The following NMNAT2 variants were observed in gnomAD, a reference collection of about 807,000 sequenced individuals.
NMNAT2 encodes the protein nicotinamide/nicotinic acid mononucleotide adenylyltransferase 2.
A neutral mutation model predicts 41.6 loss-of-function variants in NMNAT2; 11 were observed. That is an observed-to-expected ratio of 0.26 (90% CI 0.17 to 0.44). The LOEUF (loss-of-function observed/expected upper bound fraction) is 0.44, where lower values mean the gene tolerates loss of function less well. Ranked by LOEUF, NMNAT2 falls within the 20% of genes least tolerant of loss-of-function variation. The probability of loss-of-function intolerance (pLI) is 1.00; values close to 1 mark genes in which losing one functional copy is unlikely to be tolerated. For missense variants in NMNAT2, 288 were observed against 407.7 expected, an observed-to-expected ratio of 0.71 and a Z score of 2.53; for synonymous variants, 148 against 151.2, an observed-to-expected ratio of 0.98 and a Z score of 0.16.
rs183447345 is a variant in NMNAT2 at position 183,366,128 on chromosome 1, A to T, written c.85+52055T>A. On this transcript the variant is annotated intron_variant, in intron 1 of 10. Transcript: ENST00000287713. ...AAAGAAACCCAAGAAATGGCTCCCAATCTACTAACTACATGCATGGCAGAA... is the reference window on the plus strand; with the variant it reads ...AAAGAAACCCAAGAAATGGCTCCCATTCTACTAACTACATGCATGGCAGAA... Among the ~76,000 whole-genome samples, 59 of 152,344 alleles carry T rather than the reference A, an allele frequency of 3.9e-4. 2 individuals carry two copies. The East Asian group carries it at 0.011, about 27-fold the overall frequency.
chr1:183,362,781 A>T (rs1049357035), intron 1 of NMNAT2, among the ~76,000 whole-genome samples: 1 of 152,198 alleles, frequency 6.6e-6, no homozygotes, highest in Non-Finnish European at 1.5e-5. Flanking sequence ...ATATATACCT[A>T]GAAGTGGTAT....
chr1:183,324,030 C>T (rs1662409588), intron 1 of NMNAT2, among the ~76,000 whole-genome samples: 1 of 152,146 alleles, frequency 6.6e-6, no homozygotes, highest in Non-Finnish European at 1.5e-5. Context: ...ATAAAGTGGG[C>T]AAGGGGACCC....
In NMNAT2 at chr1:183,368,399, C is replaced by G. The variant is rs1571622651; in HGVS notation, c.85+49784G>C. Among the ~76,000 whole-genome samples, 3 of 152,320 alleles carry G rather than the reference C, an allele frequency of 2.0e-5. No individual in the cohort carries two copies. The South Asian group carries it at 6.2e-4, about 32-fold the overall frequency. ...AGAGAAGTCTTTTCTCTTGACCACT[C>G]CCTGCCCCTGGGCTGCGCTGTCTCA... On this transcript the variant is annotated intron_variant, in intron 1 of 10. Coordinates refer to ENST00000287713, the MANE Select transcript of NMNAT2 (RefSeq NM_015039.4).
chr1:183,291,727 A>G (rs575654743), intron 3 of NMNAT2, among the ~76,000 whole-genome samples: 94 of 152,224 alleles, frequency 6.2e-4, no homozygotes, highest in African/African-American at 2.3e-3. Flanking sequence ...TTACAATGTT[A>G]AGAGGCCTCA....
At chr1:183,326,141 C>T (rs192590746) in intron 1 of NMNAT2, among the ~76,000 whole-genome samples, 230 of 152,100 alleles carry the variant, frequency 1.5e-3, no homozygotes, top group Non-Finnish European at 2.6e-3. Flanking sequence ...TTTGGGAGGC[C>T]GAGCTGGGTG....
At chr1:183,258,025 TG>T (rs1330955463) in intron 10 of NMNAT2, among the ~76,000 whole-genome samples, 2 of 152,206 alleles carry the variant, frequency 1.3e-5, no homozygotes, top group African/African-American at 4.8e-5. Flanking sequence ...TTTATCCTTT[TG>T]GGTTCCTCTG....
In NMNAT2 at chr1:183,249,741, TA is replaced by T. The variant is rs1227934696; in HGVS notation, c.*2899del. On this transcript the variant is annotated 3_prime_UTR_variant, in exon 11 of 11. Transcript: ENST00000287713. ...TGTGTGTGTGTGTGTGTTTGGGGGG[TA>T]GGGGGTGCGGCGATGGGAATGGATG... 1 of 89,672 alleles carries T rather than the reference TA, an allele frequency of 1.1e-5. No individual in the cohort carries two copies. The highest frequency in any genetic ancestry group is 2.4e-5 in the Non-Finnish European group (1 of 41,630). 5.6% of individuals were successfully genotyped at this position (89,672 alleles called of 1,614,324 possible).
At chr1:183,275,002 C>A (rs1163863839) in intron 8 of NMNAT2, among the ~76,000 whole-genome samples, 1 of 152,056 alleles carries the variant, frequency 6.6e-6, no homozygotes, top group African/African-American at 2.4e-5. Flanking sequence ...CACAATGGGG[C>A]CCAGCACGAG....
chr1:183,257,300 G>C lies in NMNAT2; in HGVS notation c.821+3702C>G, dbSNP rs182664319. ...TACCAAAAATACAAAAATTAGCTGGGTGTGGTGGCAGGCACCTGTAATCCC... is the reference window on the plus strand; with the variant it reads ...TACCAAAAATACAAAAATTAGCTGGCTGTGGTGGCAGGCACCTGTAATCCC... On this transcript the variant is annotated intron_variant, in intron 10 of 10. Coordinates refer to ENST00000287713, the MANE Select transcript of NMNAT2 (RefSeq NM_015039.4). Among the ~76,000 whole-genome samples, 77 of 152,118 alleles carry C rather than the reference G, an allele frequency of 5.1e-4. 3 individuals are homozygous for C. Among genetic ancestry groups the C allele is most frequent in the African/African-American group, 1.7e-3 (69 of 41,518 alleles).
intron 1 of NMNAT2, among the ~76,000 whole-genome samples, chr1:183,305,105 C>CTT (rs5779162): frequency 5.8e-4 from 81 of 140,286 alleles, no homozygotes; most frequent in South Asian, 5.3e-3. Context: ...TTGAAAAAGC[C>CTT]TTTTTTTTTT....
At chr1:183,260,637 G>C (rs941332262) in intron 10 of NMNAT2, among the ~76,000 whole-genome samples, 2 of 152,052 alleles carry the variant, frequency 1.3e-5, no homozygotes, top group African/African-American at 4.8e-5. Flanking sequence ...GGCCAAAATG[G>C]TGAAATCCCC....
intron 1 of NMNAT2, among the ~76,000 whole-genome samples, chr1:183,324,987 G>A (rs1423468898): frequency 6.6e-6 from 1 of 152,188 alleles, no homozygotes; most frequent in Non-Finnish European, 1.5e-5. Flanking sequence ...AACACAGGGT[G>A]GATGTGGGTT....
Position 183,302,663 on chromosome 1 carries a change from T to G in NMNAT2, c.86-8870A>C, listed in dbSNP as rs190695997. ...CTCACACTCAGGGCCACTGTTCCCC[T>G]GCCCTAATCTCCCCAGGGCTAGGTA... On this transcript the variant is annotated intron_variant, in intron 1 of 10. Transcript: ENST00000287713. Among the ~76,000 whole-genome samples the G allele has an allele frequency of 9.8e-5, 15 of 152,298 alleles. No homozygotes were observed. In the East Asian group the frequency reaches 2.9e-3, roughly 29 times the overall value.
rs556711876 is a variant in NMNAT2 at position 183,281,364 on chromosome 1, A to T, written c.574+2631T>A. On this transcript the variant is annotated intron_variant, in intron 7 of 10. Transcript: ENST00000287713. ...GTGGAGGCTAGGAGTGCTGCTAAAC[A>T]TCCTACAATGCACAGGGAAGCCCCC... Among the ~76,000 whole-genome samples the T allele has an allele frequency of 8.5e-5, 13 of 152,190 alleles. No individual in the cohort carries two copies. In the East Asian group the frequency reaches 1.9e-3, roughly 23 times the overall value.
Position 183,341,744 on chromosome 1 carries a change from AAAAC to A in NMNAT2, c.86-47955_86-47952del, listed in dbSNP as rs1256405919. ...AAACACCAAAAAAAAAAAAAAAAAA[AAAAC>A]CTGTTTCCTTCACTCCAGGTTACTT... On this transcript the variant is annotated intron_variant, in intron 1 of 10. Coordinates refer to ENST00000287713, the MANE Select transcript of NMNAT2 (RefSeq NM_015039.4). Among the ~76,000 whole-genome samples the A allele has an allele frequency of 7.1e-4, 103 of 144,516 alleles. 18 individuals are homozygous for A. Among genetic ancestry groups the A allele is most frequent in the South Asian group, 1.8e-3 (8 of 4,330 alleles). The allele number at this position is 144,516 out of a possible 152,430, so 94.8% of individuals were successfully genotyped here.
At chr1:183,321,903 C>T (rs1340549189) in intron 1 of NMNAT2, among the ~76,000 whole-genome samples, 3 of 152,220 alleles carry the variant, frequency 2.0e-5, no homozygotes, top group South Asian at 4.1e-4. Flanking sequence ...ACTGCAGCCT[C>T]GACCTCCTGG....
At chr1:183,365,887 T>C (rs1381660918) in intron 1 of NMNAT2, among the ~76,000 whole-genome samples, 2 of 152,188 alleles carry the variant, frequency 1.3e-5, no homozygotes, top group Non-Finnish European at 2.9e-5. Context: ...GATGCCAGCA[T>C]CACTCTGCAG....
chr1:183,363,824 A>G (rs1409958962), intron 1 of NMNAT2, among the ~76,000 whole-genome samples: 1 of 152,218 alleles, frequency 6.6e-6, no homozygotes, highest in Non-Finnish European at 1.5e-5. Flanking sequence ...GGCTTTCCAT[A>G]AGAACAAGTC....
chr1:183,341,958 T>G (rs1403097823), intron 1 of NMNAT2, among the ~76,000 whole-genome samples: 2 of 151,814 alleles, frequency 1.3e-5, no homozygotes, highest in Non-Finnish European at 2.9e-5. Context: ...ACCTATGAAT[T>G]GAGGGGGAAG....
Sources: allele counts gnomAD v4.1 joint callset (sites outside exome capture counted in the v4.1 genomes callset), GRCh38; gene constraint gnomAD v4.1.1; transcripts MANE v1.5; gene names NCBI Gene and HGNC (gene_info 2026-07-23, HGNC 2026-07-21).